MCM9: variants seen among roughly 807,000 people sequenced by gnomAD.
The protein encoded by MCM9 is DNA helicase MCM9.
In MCM9, 55 loss-of-function variants were observed where a neutral mutation model predicts 72.8. The observed-to-expected ratio is 0.76, with a 90% CI of 0.61 to 0.95. The LOEUF (loss-of-function observed/expected upper bound fraction) is 0.95, where lower values mean the gene tolerates loss of function less well. Ranked by LOEUF, MCM9 falls within the 40% of genes least tolerant of loss-of-function variation. MCM9 has a pLI of 0.00. For synonymous variants in MCM9, 480 were observed against 503.4 expected (o/e 0.95, Z 0.62); for missense variants, 1,279 against 1,377.0 (o/e 0.93, Z 1.13).
At chr6:118,884,542 G>A (rs1413018222) in intron 8 of MCM9, among the ~76,000 whole-genome samples, 1 of 151,324 alleles carries the variant, frequency 6.6e-6, no homozygotes, top group African/African-American at 2.4e-5. Context: ...ACATATAGAA[G>A]ACAAAATATA....
rs138467516 is a variant in MCM9, at chr6:118,825,888, T to C, written c.1961+259A>G. Among the ~76,000 whole-genome samples the C allele has an allele frequency of 1.3e-3, 197 of 152,270 alleles. No individual in the cohort carries two copies. In the East Asian group the frequency reaches 0.03, roughly 23 times the overall value. On this transcript the variant is annotated intron_variant, in intron 13 of 13. Transcript: ENST00000619706. ...ACAAGCTATCCCCACCGAGCCTGCC[T>C]GAATGTCTGATACCCAGAAAAGTGA...
chr6:118,924,127 C>A lies in MCM9; in HGVS notation c.305G>T (p.Gly102Val). ...CACCAGCTCAGGACAGACAGGCAAA[C>A]CTGATGGAGAAAACAAAAAAACAGC... ...MKQNLHARIS[G>V]LPVCPELVRE... The change falls in exon 4 of 14, where the codon GGT becomes GTT. Residue 102 changes from glycine to valine, a missense_variant and splice_region_variant. Physicochemically the swap from Gly to Val is moderately radical, Grantham distance 109 (BLOSUM62 -3). Transcript: ENST00000619706. 2 of 1,607,124 alleles carry A rather than the reference C, an allele frequency of 1.2e-6. No homozygotes were observed. Among genetic ancestry groups the A allele is most frequent in the Non-Finnish European group, 1.7e-6 (2 of 1,175,156 alleles).
intron 8 of MCM9, among the ~76,000 whole-genome samples, chr6:118,894,962 C>T (rs1199505019): frequency 2.0e-5 from 3 of 152,240 alleles, no homozygotes; most frequent in Non-Finnish European, 4.4e-5. Flanking sequence ...CATCTTACCC[C>T]GAGTCGAGAA....
At chr6:118,843,316 A>G (rs1775521946) in intron 9 of MCM9, among the ~76,000 whole-genome samples, 1 of 151,714 alleles carries the variant, frequency 6.6e-6, no homozygotes, top group Non-Finnish European at 1.5e-5. Context: ...TGCAGTGCAT[A>G]TAAGTGACAC....
At chr6:118,918,876 A>G (rs2114329432) in intron 5 of MCM9, 1 of 152,368 alleles carries the variant, frequency 6.6e-6, no homozygotes, top group Non-Finnish European at 1.5e-5. Flanking sequence ...AAAATGCTAA[A>G]TTCATGGAAC....
chr6:118,815,840 T>C lies in MCM9; in HGVS notation c.2416A>G (p.Thr806Ala). Residue 806 changes from threonine to alanine, a missense_variant, in exon 14 of 14, where the codon ACA becomes GCA. Physicochemically the swap from Thr to Ala is moderately conservative, Grantham distance 58. Coordinates refer to ENST00000619706, the MANE Select transcript of MCM9 (RefSeq NM_017696.3). ...DIGLLPSPGE[T>A]GVPWRADNVE... Reference sequence around the variant, plus strand: ...TTGTCTGCCCTCCATGGAACACCTGTCTCTCCTGGTGATGGAAGCAACCCA... The same window carrying C: ...TTGTCTGCCCTCCATGGAACACCTGCCTCTCCTGGTGATGGAAGCAACCCA... 6.5e-7 allele frequency: 1 copy of C among 1,539,886 alleles called. No homozygotes were observed.
intron 8 of MCM9, among the ~76,000 whole-genome samples, chr6:118,864,110 T>C (rs539279591): frequency 1.3e-5 from 2 of 152,122 alleles, no homozygotes; most frequent in Non-Finnish European, 2.9e-5. Flanking sequence ...ATTTTGGTTA[T>C]GTGGATGAGT....
chr6:118,823,446 A>C (rs891875258), intron 13 of MCM9, among the ~76,000 whole-genome samples: 1 of 152,106 alleles, frequency 6.6e-6, no homozygotes, highest in African/African-American at 2.4e-5. Context: ...AGTAGTCCCA[A>C]TGCGATGAAC....
Position 118,815,627 on chromosome 6 carries a change from G to A in MCM9, c.2629C>T (p.Gln877Ter). Residue 877 changes from glutamine to a stop codon, truncating the protein, a stop_gained, in exon 14 of 14, where the codon CAG becomes TAG. Transcript: ENST00000619706. LOFTEE classifies it low-confidence loss of function (END_TRUNC). ...PAQCTVPSHP[Q>*]STPVHSPDRM... ...TCTGGGCTATGTACAGGAGTGGACT[G>A]AGGATGGGAAGGGACTGTGCACTGT... is the stretch of plus-strand genomic sequence containing the variant. 6.4e-7 allele frequency: 1 copy of A among 1,550,498 alleles called. No individual in the cohort carries two copies. The highest frequency in any genetic ancestry group is 8.7e-7 in the Non-Finnish European group (1 of 1,146,940).
chr6:118,925,110 G>A (rs1781784558), intron 3 of MCM9, among the ~76,000 whole-genome samples: 1 of 151,956 alleles, frequency 6.6e-6, no homozygotes, highest in African/African-American at 2.4e-5. Context: ...AGGGGGAAAA[G>A]GGGAGAGGAG....
At chr6:118,877,386 G>A (rs1471902877) in intron 8 of MCM9, among the ~76,000 whole-genome samples, 1 of 152,146 alleles carries the variant, frequency 6.6e-6, no homozygotes, top group African/African-American at 2.4e-5. Context: ...GAAAAATGGA[G>A]AATGGACTTA....
At chr6:118,857,516 T>C (rs1776634034) in intron 8 of MCM9, among the ~76,000 whole-genome samples, 1 of 151,618 alleles carries the variant, frequency 6.6e-6, no homozygotes, top group South Asian at 2.1e-4. Flanking sequence ...TAGAGATTCT[T>C]GGATATTTAA....
chr6:118,815,228 C>A lies in MCM9; in HGVS notation c.3028G>T (p.Ala1010Ser). The change falls in exon 14 of 14, where the codon GCC becomes TCC. Residue 1010 changes from alanine (A) to serine (S), a missense_variant. Transcript: ENST00000619706. The stretch of plus-strand genomic sequence containing the variant: ...GGCTGAATAATCCTCTTCTCAGGGG[C>A]ACACATCACCTTCTCTCTTGGTCCG... ...KHGPREKVMCAPEKRIIQPEL... is the reference protein window; with the variant it reads ...KHGPREKVMCSPEKRIIQPEL... 6.4e-7 allele frequency: 1 copy of A among 1,550,658 alleles called. No homozygotes were observed. Among genetic ancestry groups the A allele is most frequent in the African/African-American group, 1.4e-5 (1 of 73,124 alleles).
At chr6:118,907,898 T>C (rs964578794) in intron 8 of MCM9, 5 of 250,228 alleles carry the variant, frequency 2.0e-5, no homozygotes, top group East Asian at 1.7e-4. Flanking sequence ...AAAGCACTTA[T>C]AAAGAAACAG....
intron 8 of MCM9, among the ~76,000 whole-genome samples, chr6:118,895,004 C>T (rs1393339216): frequency 1.3e-5 from 2 of 152,176 alleles, no homozygotes; most frequent in African/African-American, 2.4e-5. Flanking sequence ...ACGGCGCCTC[C>T]TCTTGCCCCG....
At chr6:118,837,648 T>A (rs1775056949) in intron 9 of MCM9, among the ~76,000 whole-genome samples, 1 of 152,188 alleles carries the variant, frequency 6.6e-6, no homozygotes, top group African/African-American at 2.4e-5. Context: ...TTTTTTATCT[T>A]AGTTGGTTTA....
Position 118,931,504 on chromosome 6 carries a change from G to A in MCM9, c.220C>T (p.Arg74Ter), listed in dbSNP as rs760702305. The change falls in exon 3 of 14, where the codon CGA becomes TGA. Residue 74 changes from arginine (R) to a stop codon, truncating the protein, a stop_gained. Coordinates refer to ENST00000619706, the MANE Select transcript of MCM9 (RefSeq NM_017696.3). LOFTEE classifies it high-confidence loss of function. The stretch of plus-strand genomic sequence containing the variant: ...TGGAGAATTGTCAAGGCTGACCTTC[G>A]CAGTGCACTATCAAAAATTGTAAGC... ...EVLTIFDSAL[R>*]RSALTILQSL... is the part of the protein sequence containing the mutation. 9 of 1,613,936 alleles carry A rather than the reference G, an allele frequency of 5.6e-6. No homozygotes were observed. Among genetic ancestry groups the A allele is most frequent in the African/African-American group, 4.0e-5 (3 of 74,888 alleles).
At chr6:118,920,840 C>T (rs1462471566) in intron 5 of MCM9, 2 of 152,252 alleles carry the variant, frequency 1.3e-5, no homozygotes, top group East Asian at 1.9e-4. Flanking sequence ...TAAATTGCCC[C>T]GTCCCAGGTA....
intron 8 of MCM9, among the ~76,000 whole-genome samples, chr6:118,864,244 A>C (rs1372602369): frequency 6.6e-6 from 1 of 152,084 alleles, no homozygotes; most frequent in African/African-American, 2.4e-5. Context: ...AAAGTCCATT[A>C]TATCATTCTC....
Sources: gnomAD v4.1 joint callset for allele counts (sites outside exome capture counted in the v4.1 genomes callset) on GRCh38, gnomAD v4.1.1 for gene constraint, MANE v1.5 for transcripts, NCBI Gene and HGNC (gene_info 2026-07-23, HGNC 2026-07-21) for gene names.